Variants in ANO4 observed in about 807,000 individuals in gnomAD.
ANO4 encodes the protein anoctamin 4, also known as anoctamin-4.
ANO4 carries 69 observed loss-of-function variants against 141.9 expected under a neutral mutation model. The ratio of observed to expected loss-of-function variants is 0.49; its 90% CI spans 0.40 to 0.59. The LOEUF is 0.59. Among genes scored for constraint, ANO4 ranks in the 20% least tolerant of loss-of-function variants. ANO4 has a pLI of 0.00. For synonymous variants in ANO4, 350 were observed against 394.3 expected, an observed-to-expected ratio of 0.89 and a Z score of 1.33; for missense variants, 894 against 1,162.2, an observed-to-expected ratio of 0.77 and a Z score of 3.36.
intron 3 of ANO4, among the ~76,000 whole-genome samples, chr12:100,775,201 A>G (rs1165291268): frequency 6.6e-6 from 1 of 152,240 alleles, no homozygotes; most frequent in Admixed American, 6.5e-5. Flanking sequence ...TGAGCACACT[A>G]AAATAGCAGT....
At chr12:100,998,144 C>A (rs1340406246) in intron 8 of ANO4, among the ~76,000 whole-genome samples, 1 of 152,108 alleles carries the variant, frequency 6.6e-6, no homozygotes, top group Non-Finnish European at 1.5e-5. Context: ...TGGGTGGGCA[C>A]CACCAAATCA....
intron 3 of ANO4, among the ~76,000 whole-genome samples, chr12:100,923,927 A>G (rs1160802490): frequency 2.0e-5 from 3 of 152,034 alleles, no homozygotes; most frequent in African/African-American, 7.2e-5. Context: ...TGGCTGTATA[A>G]ATGTCTTCTT....
At chr12:100,919,900 A>G (rs1326801926) in intron 2 of ANO4, among the ~76,000 whole-genome samples, 2 of 151,792 alleles carry the variant, frequency 1.3e-5, no homozygotes, top group African/African-American at 4.8e-5. Context: ...TGCTTCCTTT[A>G]TGGTGCTTCT....
intron 7 of ANO4, among the ~76,000 whole-genome samples, chr12:100,976,344 C>A (rs2044192445): frequency 6.6e-6 from 1 of 152,114 alleles, no homozygotes; most frequent in Admixed American, 6.5e-5. Flanking sequence ...GAACTGACCT[C>A]CAAAGAAGTG....
intron 1 of ANO4, among the ~76,000 whole-genome samples, chr12:100,825,811 A>G (rs2036303472): frequency 6.6e-6 from 1 of 152,056 alleles, no homozygotes; most frequent in African/African-American, 2.4e-5. Flanking sequence ...GAATTATGTG[A>G]TTTTGGGTTT....
chr12:101,014,060 A>G (rs2046214308), intron 8 of ANO4, among the ~76,000 whole-genome samples: 2 of 152,264 alleles, frequency 1.3e-5, no homozygotes, highest in South Asian at 4.1e-4. Context: ...TGAGGAGAGA[A>G]ACTAGGTTTT....
intron 1 of ANO4, among the ~76,000 whole-genome samples, chr12:100,856,084 T>C (rs2038151329): frequency 6.6e-6 from 1 of 152,098 alleles, no homozygotes; most frequent in African/African-American, 2.4e-5. Context: ...GCCAGAGGTA[T>C]GAAAAAGTCT....
intron 3 of ANO4, among the ~76,000 whole-genome samples, chr12:100,762,729 G>C (rs7975325): frequency 0.24 from 35,957 of 151,922 alleles, 4,802 homozygotes; most frequent in East Asian, 0.51. Flanking sequence ...TCAGGCCTTA[G>C]AAAAACAAGA....
In ANO4 at chr12:101,033,446, A is replaced by C. The variant is rs555926280; in HGVS notation, c.842-3649A>C. On this transcript the variant is annotated intron_variant, in intron 9 of 27. Transcript: ENST00000392977. Reference sequence around the variant, plus strand: ...ACTGACCTGCACAATGTGCACATGTACCCTAAAACTTAAAGTATAATAATA... The same window carrying C: ...ACTGACCTGCACAATGTGCACATGTCCCCTAAAACTTAAAGTATAATAATA... Among the ~76,000 whole-genome samples, 42 of 152,164 alleles carry C rather than the reference A, an allele frequency of 2.8e-4. No individual in the cohort carries two copies. The South Asian group carries it at 8.5e-3, about 31-fold the overall frequency.
At chr12:101,007,189 C>T (rs971736645) in intron 8 of ANO4, among the ~76,000 whole-genome samples, 13 of 152,202 alleles carry the variant, frequency 8.5e-5, no homozygotes, top group African/African-American at 2.9e-4. Context: ...CCTGTCTCTA[C>T]TAAAAATACA....
At chr12:100,798,577 C>A (rs551644104) in intron 1 of ANO4, among the ~76,000 whole-genome samples, 1 of 152,124 alleles carries the variant, frequency 6.6e-6, no homozygotes, top group Non-Finnish European at 1.5e-5. Flanking sequence ...ATCAGTTTTG[C>A]AGGGAAAAAA....
At chr12:100,939,196 C>G in intron 3 of ANO4, 119 bp from the exon 4 acceptor site, 2 of 1,027,108 alleles carry the variant, frequency 1.9e-6, no homozygotes, top group Non-Finnish European at 2.8e-6. Flanking sequence ...GCTTGTCACT[C>G]AAGGAGTTAA....
At chr12:100,877,275 G>A (rs2039357798) in intron 1 of ANO4, among the ~76,000 whole-genome samples, 1 of 151,622 alleles carries the variant, frequency 6.6e-6, no homozygotes, top group South Asian at 2.1e-4. Context: ...GATTTTAAAT[G>A]TTATAATCAC....
intron 25 of ANO4, among the ~76,000 whole-genome samples, chr12:101,117,102 CAG>C (rs1054224715): frequency 2.0e-5 from 3 of 152,220 alleles, no homozygotes; most frequent in African/African-American, 7.2e-5. Context: ...TCCAGGGACT[CAG>C]GGACAGACAA....
chr12:100,919,892 CT>C (rs1337780046), intron 2 of ANO4, among the ~76,000 whole-genome samples: 1 of 151,824 alleles, frequency 6.6e-6, no homozygotes, highest in Non-Finnish European at 1.5e-5. Flanking sequence ...GGCCTGTATG[CT>C]TCCTTTATGG....
chr12:101,101,713 A>G (rs560528840), intron 22 of ANO4, among the ~76,000 whole-genome samples: 1 of 151,834 alleles, frequency 6.6e-6, no homozygotes, highest in African/African-American at 2.4e-5. Context: ...ATTCACTTGT[A>G]GAAGTGAAGA....
intron 17 of ANO4, among the ~76,000 whole-genome samples, chr12:101,088,946 A>G (rs556393733): frequency 2.9e-4 from 44 of 152,278 alleles, no homozygotes; most frequent in African/African-American, 1.0e-3. Context: ...AAGTAAAACA[A>G]TGTACATAGA....
chr12:101,060,063 G>T (rs1281081478), intron 14 of ANO4, among the ~76,000 whole-genome samples: 1 of 152,216 alleles, frequency 6.6e-6, no homozygotes, highest in African/African-American at 2.4e-5. Context: ...GTTTCCCAGA[G>T]ATTCTGGTAC....
At chr12:101,060,758 A>G (rs1284200781) in intron 14 of ANO4, among the ~76,000 whole-genome samples, 1 of 151,350 alleles carries the variant, frequency 6.6e-6, no homozygotes, top group East Asian at 1.9e-4. Context: ...CTTTATTTTG[A>G]GCGCATGTAT....
Sources: allele counts gnomAD v4.1 joint callset (sites outside exome capture counted in the v4.1 genomes callset), GRCh38; gene constraint gnomAD v4.1.1; transcripts MANE v1.5; gene names NCBI Gene and HGNC (gene_info 2026-07-23, HGNC 2026-07-21).